C4orf50: variants seen among roughly 807,000 people sequenced by gnomAD.
The protein encoded by C4orf50 is chromosome 4 open reading frame 50, also known as uncharacterized protein C4orf50.
C4orf50 carries 80 observed loss-of-function variants against 77.2 expected under a neutral mutation model. The ratio of observed to expected loss-of-function variants is 1.04; its 90% confidence interval spans 0.87 to 1.25. C4orf50 has a LOEUF of 1.25. C4orf50 is among the 50% of genes most tolerant of loss of function. The probability of loss-of-function intolerance (pLI) is 0.00; values close to 1 mark genes in which losing one functional copy is unlikely to be tolerated. For missense variants in C4orf50, 1,257 were observed against 1,152.9 expected (o/e 1.09, Z -1.31); for synonymous variants, 532 against 465.3 (o/e 1.14, Z -1.84).
chr4:5,959,229 AAC>A, exon 34 of C4orf50: 1 of 952,886 alleles, frequency 1.0e-6, no homozygotes, highest in Non-Finnish European at 1.6e-6. Context: ...TCTGACAATG[AAC>A]ACAAAATCCC....
chr4:5,912,681 A>G (rs6446408), intron 7 of C4orf50, among the ~76,000 whole-genome samples: 78,370 of 152,078 alleles, frequency 0.52, 21,954 homozygotes, highest in African/African-American at 0.74. Context: ...ACACCATGCA[A>G]GGCCACAGAG....
chr4:5,975,930 T>A (rs780452806), exon 30 of C4orf50: 1 of 1,614,102 alleles, frequency 6.2e-7, no homozygotes, highest in Non-Finnish European at 8.5e-7. Flanking sequence ...CTTTGCTTCA[T>A]GTTGCTTTTT....
At chr4:5,950,812 C>A (rs1461416420) in intron 7 of C4orf50, among the ~76,000 whole-genome samples, 5 of 152,070 alleles carry the variant, frequency 3.3e-5, no homozygotes, top group Non-Finnish European at 2.9e-5. Context: ...TAGCTGAATC[C>A]CATACACCAG....
chr4:5,939,732 T>C (rs1005127931), intron 7 of C4orf50, among the ~76,000 whole-genome samples: 1 of 152,282 alleles, frequency 6.6e-6, no homozygotes, highest in South Asian at 2.1e-4. Flanking sequence ...GTCATTGCAC[T>C]GAACCAGGCC....
exon 28 of C4orf50, chr4:5,989,221 T>G: frequency 6.5e-7 from 1 of 1,536,040 alleles, no homozygotes; most frequent in East Asian, 2.4e-5. Context: ...GGTGTTGTCA[T>G]GTAAAATCTG....
At chr4:5,914,355 C>T (rs1024535446) in intron 7 of C4orf50, among the ~76,000 whole-genome samples, 1 of 151,906 alleles carries the variant, frequency 6.6e-6, no homozygotes, top group Non-Finnish European at 1.5e-5. Context: ...TAGGCGCCTG[C>T]CACCATGCCC....
Position 5,907,049 on chromosome 4 carries a change from C to T in C4orf50, c.*2475-8861G>A, listed in dbSNP as rs150646562. Among the ~76,000 whole-genome samples, 458 of 152,214 alleles carry T rather than the reference C, an allele frequency of 3.0e-3. 1 individual carries two copies. Among genetic ancestry groups the T allele is most frequent in the African/African-American group, 9.8e-3 (406 of 41,536 alleles). The stretch of plus-strand genomic sequence containing the variant: ...TTCCATGCTATGCTCATGCATTAAG[C>T]TGGGGGGACTCTTATGTGTTAAGCT... On this transcript the variant is annotated intron_variant, in intron 7 of 7. Coordinates refer to the C4orf50 transcript ENST00000324058.
chr4:5,989,624 G>A lies in C4orf50; in HGVS notation c.2422C>T (p.Gln808Ter), dbSNP rs1391045878. 3.3e-6 allele frequency: 5 copies of A among 1,536,128 alleles called. No individual in the cohort carries two copies. In the South Asian group the frequency reaches 3.6e-5, roughly 11 times the overall value. Residue 808 changes from glutamine to a stop codon, truncating the protein, a stop_gained, in exon 28 of 34, where the codon CAG (glutamine) becomes TAG (stop). Transcript: ENST00000531445. LOFTEE classifies it high-confidence loss of function. ...TGCTGGAAACAAGCCTCCACGTCCTGTGCAAGCTCATCGATTGTGAGTGCA... is the reference window on the plus strand; with the variant it reads ...TGCTGGAAACAAGCCTCCACGTCCTATGCAAGCTCATCGATTGTGAGTGCA...
intron 7 of C4orf50, among the ~76,000 whole-genome samples, chr4:5,938,934 C>A (rs980761740): frequency 1.3e-5 from 2 of 152,110 alleles, no homozygotes; most frequent in African/African-American, 4.8e-5. Context: ...TGCTTCTCTG[C>A]TTTTTTGATT....
At chr4:5,909,957 T>A (rs974307221) in intron 7 of C4orf50, among the ~76,000 whole-genome samples, 1 of 152,180 alleles carries the variant, frequency 6.6e-6, no homozygotes, top group African/African-American at 2.4e-5. Flanking sequence ...CAGCATTTTT[T>A]CCCCCCTCAG....
At chr4:5,937,811 A>G (rs1019570194) in intron 7 of C4orf50, among the ~76,000 whole-genome samples, 1 of 152,206 alleles carries the variant, frequency 6.6e-6, no homozygotes, top group Non-Finnish European at 1.5e-5. Flanking sequence ...TAGACTCAAA[A>G]TCGCAAAACA....
Position 6,008,127 on chromosome 4 carries a change from G to C in C4orf50, c.832C>G (p.Leu278Val). ...TTCAGCCCATAGATGCAGCAGCGCA[G>C]CTCCTCCAGCTGCCCGCGGAGCTGG... Residue 278 changes from leucine (L) to valine (V), a missense_variant, in exon 25 of 34, where the codon CTG (leucine) becomes GTG (valine). Physicochemically the swap from Leu to Val is conservative, Grantham distance 32. Transcript: ENST00000531445. This position sits in a 1 kb window ranked among gnomAD's most constrained non-coding sequence, Gnocchi z 6.0. 2.5e-6 allele frequency: 1 copy of C among 399,088 alleles called. No individual in the cohort carries two copies. 24.7% of individuals were successfully genotyped at this position (399,088 alleles called of 1,614,324 possible).
intron 28 of C4orf50, among the ~76,000 whole-genome samples, chr4:5,986,542 T>C (rs1720871861): frequency 8.4e-6 from 1 of 119,338 alleles, no homozygotes; most frequent in East Asian, 2.1e-4. Context: ...AACGTCATTT[T>C]TTTTTTTTTT....
chr4:5,935,810 AGC>A (rs1717987612), intron 7 of C4orf50, among the ~76,000 whole-genome samples: 4 of 147,384 alleles, frequency 2.7e-5, no homozygotes, highest in African/African-American at 5.1e-5. Flanking sequence ...AAAAAAAAAA[AGC>A]CCCAGAGGCC....
intron 7 of C4orf50, among the ~76,000 whole-genome samples, chr4:5,915,546 C>T (rs1218370906): frequency 3.9e-5 from 6 of 152,096 alleles, no homozygotes; most frequent in African/African-American, 7.2e-5. Flanking sequence ...TCTTGGGACA[C>T]AGTTGTGAAG....
At chr4:5,914,482 G>A (rs1266930119) in intron 7 of C4orf50, among the ~76,000 whole-genome samples, 2 of 152,160 alleles carry the variant, frequency 1.3e-5, no homozygotes, top group Middle Eastern at 3.2e-3. Flanking sequence ...GGGATTACAG[G>A]TGTGAGCCAC....
At chr4:5,951,854 G>T (rs1163863330) in intron 7 of C4orf50, among the ~76,000 whole-genome samples, 1 of 152,030 alleles carries the variant, frequency 6.6e-6, no homozygotes, top group Non-Finnish European at 1.5e-5. Flanking sequence ...TCCTCCTTCA[G>T]CAGCAGGTGG....
chr4:5,978,546 C>T (rs968929495), intron 29 of C4orf50, among the ~76,000 whole-genome samples: 2 of 152,120 alleles, frequency 1.3e-5, no homozygotes, highest in African/African-American at 4.8e-5. Flanking sequence ...CCACACACAC[C>T]CCCTCCCCAC....
At chr4:5,973,609 C>A (rs551137991) in intron 31 of C4orf50, 50 bp downstream of exon 9, 17 of 1,473,374 alleles carry the variant, frequency 1.2e-5, no homozygotes, top group Non-Finnish European at 1.2e-5. Flanking sequence ...GCAAGGGACG[C>A]GCCCACACTC....
Sources: allele counts gnomAD v4.1 joint callset (sites outside exome capture counted in the v4.1 genomes callset), GRCh38; gene constraint gnomAD v4.1.1; non-coding constraint Gnocchi (gnomAD v3.1); transcripts MANE v1.5; gene names NCBI Gene and HGNC (gene_info 2026-07-23, HGNC 2026-07-21).